The following COX15 variants were observed in gnomAD, a reference collection of about 807,000 sequenced individuals.
COX15 encodes the protein cytochrome c oxidase assembly factor COX15.
COX15 carries 51 observed loss-of-function variants against 51.9 expected under a neutral mutation model. That is an observed-to-expected ratio of 0.98 (90% CI 0.78 to 1.24). The LOEUF is 1.24. Among genes scored for constraint, COX15 ranks in the 50% most tolerant of loss-of-function variants. COX15 has a pLI of 0.00. For missense variants in COX15, 420 were observed against 501.1 expected, an observed-to-expected ratio of 0.84 and a Z score of 1.55; for synonymous variants, 188 against 190.5, an observed-to-expected ratio of 0.99 and a Z score of 0.11.
chr10:99,720,855 A>G (rs2036740036), intron 6 of COX15, 132 bp downstream of exon 6: 1 of 759,530 alleles, frequency 1.3e-6, no homozygotes, highest in African/African-American at 1.7e-5. Context: ...AACAGGGTGA[A>G]GATGGGGGAA....
chr10:99,724,209 A>T, intron 4 of COX15, 86 bp from the exon 5 acceptor site: 1 of 1,485,948 alleles, frequency 6.7e-7, no homozygotes, highest in Non-Finnish European at 9.3e-7. Flanking sequence ...TTTGAGACAG[A>T]GTCTCACTCT....
In COX15 at chr10:99,711,148, TAC is replaced by T. The variant is rs1250234560; in HGVS notation, c.*3437_*3438del. On this transcript the variant is annotated 3_prime_UTR_variant, in exon 9 of 9. Transcript: ENST00000016171. Reference sequence around the variant, plus strand: ...ATTCACCAGAAGCTCATAGATATAATACAGTTATATAGCTAAATGCAACCAGT... The same window carrying T: ...ATTCACCAGAAGCTCATAGATATAATAGTTATATAGCTAAATGCAACCAGT... The T allele has an allele frequency of 2.0e-5, 20 of 984,580 alleles. No individual in the cohort carries two copies. Among genetic ancestry groups the T allele is most frequent in the African/African-American group, 3.5e-5 (2 of 57,198 alleles). 61.0% of individuals were successfully genotyped at this position (984,580 alleles called of 1,614,324 possible).
chr10:99,716,314 G>A (rs370091132), intron 8 of COX15, 34 bp downstream of exon 8: 1 of 1,451,802 alleles, frequency 6.9e-7, no homozygotes, highest in Admixed American at 1.7e-5. Context: ...TTTGTATTGG[G>A]GATACTGTCA....
At chr10:99,696,208 G>A in the COX15 span, 18 of 1,479,432 alleles carry the variant, frequency 1.2e-5, no homozygotes, top group Non-Finnish European at 1.6e-5. Flanking sequence ...TCCTAAGACA[G>A]ATAAGTCCCT....
rs1346542200 is a variant in COX15 at position 99,712,978 on chromosome 10, A to G, written c.*1609T>C. On this transcript the variant is annotated 3_prime_UTR_variant, in exon 9 of 9. Coordinates refer to ENST00000016171, the MANE Select transcript of COX15 (RefSeq NM_078470.6). ...TTAAATATCCCTAGTTCCTTCACCTATTCCCTGTGTGACAGGGGTTCTGGA... is the reference window on the plus strand; with the variant it reads ...TTAAATATCCCTAGTTCCTTCACCTGTTCCCTGTGTGACAGGGGTTCTGGA... 2 of 1,021,116 alleles carry G rather than the reference A, an allele frequency of 2.0e-6. No homozygotes were observed. The highest frequency in any genetic ancestry group is 8.7e-5 in the East Asian group (1 of 11,546). 63.3% of individuals were successfully genotyped at this position (1,021,116 alleles called of 1,614,324 possible). A position where few individuals can be genotyped will look rare whatever the true frequency, so the allele number is the denominator to read the frequency against.
the COX15 span, chr10:99,701,123 A>C: frequency 7.8e-7 from 1 of 1,284,458 alleles, no homozygotes; most frequent in Non-Finnish European, 1.1e-6. Flanking sequence ...TATAATGGAG[A>C]GTGAGCAATA....
At chr10:99,707,020 T>C (rs1429480130), downstream of COX15, among the ~76,000 whole-genome samples, 1 of 152,230 alleles carries the variant, frequency 6.6e-6, no homozygotes, top group African/African-American at 2.4e-5. Context: ...TTATTTGTTA[T>C]GCCTTTGTTA....
chr10:99,709,652 T>G (rs1326843091), downstream of COX15: 1 of 985,346 alleles, frequency 1.0e-6, no homozygotes, highest in Non-Finnish European at 1.2e-6. Flanking sequence ...GTTGGAAAGC[T>G]GTGGCACCCT....
Position 99,726,996 on chromosome 10 carries a change from A to T in COX15, c.554T>A (p.Leu185His), listed in dbSNP as rs1283117818. 3 of 1,614,012 alleles carry T rather than the reference A, an allele frequency of 1.9e-6. No individual in the cohort carries two copies. The highest frequency in any genetic ancestry group is 2.5e-6 in the Non-Finnish European group (3 of 1,180,026). Residue 185 changes from leucine to histidine, a missense_variant, in exon 4 of 9, where the codon CTT (leucine) becomes CAT (histidine). By Grantham distance (99) the Leu-to-His change is moderately conservative. Transcript: ENST00000016171. ...WLSRGMKGRV[L>H]ALCGLVCFQG... ...GAAGCAGACGAGGCCACAGAGGGCA[A>T]GAACACGTCCTTTCATGCCACGGCT...
chr10:99,722,603 C>T (rs1386641591), intron 5 of COX15, among the ~76,000 whole-genome samples: 1 of 151,914 alleles, frequency 6.6e-6, no homozygotes, highest in Non-Finnish European at 1.5e-5. Flanking sequence ...GAGGCCGAGG[C>T]GGGTGGATCA....
the COX15 span, chr10:99,700,942 A>G: frequency 6.3e-7 from 1 of 1,586,472 alleles, no homozygotes; most frequent in Non-Finnish European, 8.7e-7. Context: ...CTCCAAATTC[A>G]TGTTGCACTA....
intron 4 of COX15, among the ~76,000 whole-genome samples, chr10:99,724,893 G>A (rs937281587): frequency 1.3e-5 from 2 of 152,106 alleles, no homozygotes; most frequent in African/African-American, 4.8e-5. Context: ...AATCAATAAG[G>A]TTTTGCATGC....
At chr10:99,731,067 A>G (rs2037124046) in intron 1 of COX15, among the ~76,000 whole-genome samples, 1 of 152,230 alleles carries the variant, frequency 6.6e-6, no homozygotes, top group South Asian at 2.1e-4. Flanking sequence ...GTCTCTAAAA[A>G]AGAAATTTAG....
the COX15 span, chr10:99,705,114 C>T: frequency 5.4e-6 from 1 of 186,242 alleles, no homozygotes; most frequent in Non-Finnish European, 1.2e-5. Flanking sequence ...CCTTCTTTCT[C>T]TGTAACAGAG....
At chr10:99,704,053 GAC>G in the COX15 span, among the ~76,000 whole-genome samples, 2 of 152,152 alleles carry the variant, frequency 1.3e-5, no homozygotes, top group Non-Finnish European at 1.5e-5. Flanking sequence ...AAAGGATTTA[GAC>G]ACACACACTC....
downstream of COX15, among the ~76,000 whole-genome samples, chr10:99,707,124 C>T (rs561032769): frequency 1.3e-5 from 2 of 152,282 alleles, no homozygotes; most frequent in South Asian, 2.1e-4. Flanking sequence ...CTACATTTAT[C>T]ACTTTTTCAA....
Position 99,729,553 on chromosome 10 carries a change from C to G in COX15, c.272G>C (p.Arg91Thr). The change falls in exon 2 of 9, where the codon AGG becomes ACG. Residue 91 changes from arginine to threonine, a missense_variant and splice_region_variant. Transcript: ENST00000016171. The stretch of plus-strand genomic sequence containing the variant: ...GACTCACTACGAGCAAATTACTTAC[C>G]TAGTTACTCCACCAAGAATAACTGC... ...AGAVILGGVT[R>T]LTESGLSMVD... 1.2e-6 allele frequency: 2 copies of G among 1,612,860 alleles called. No individual in the cohort carries two copies. Among genetic ancestry groups the G allele is most frequent in the Non-Finnish European group, 1.7e-6 (2 of 1,179,868 alleles).
chr10:99,702,237 A>G, the COX15 span, among the ~76,000 whole-genome samples: 4 of 152,130 alleles, frequency 2.6e-5, no homozygotes, highest in South Asian at 8.3e-4. Context: ...CAAACATCCT[A>G]TAATTACATT....
chr10:99,704,503 C>G, the COX15 span: 7 of 1,614,218 alleles, frequency 4.3e-6, no homozygotes, highest in Non-Finnish European at 5.1e-6. Flanking sequence ...GGTTCCGTCT[C>G]TCCTTTGTAT....
Sources: allele counts gnomAD v4.1 joint callset (sites outside exome capture counted in the v4.1 genomes callset), GRCh38; gene constraint gnomAD v4.1.1; transcripts MANE v1.5; gene names NCBI Gene and HGNC (gene_info 2026-07-23, HGNC 2026-07-21).